ACTN1: variants seen among roughly 807,000 people sequenced by gnomAD.
ACTN1 encodes actinin alpha 1, also known as alpha-actinin-1.
A neutral mutation model predicts 119.6 loss-of-function variants in ACTN1; 30 were observed. The observed-to-expected ratio is 0.25, with a 90% CI of 0.19 to 0.34. ACTN1 has a LOEUF of 0.34. Ranked by LOEUF, ACTN1 falls within the 10% of genes least tolerant of loss-of-function variation. The pLI is 1.00. For missense variants in ACTN1, 764 were observed against 1,223.4 expected (o/e 0.62, Z 5.60); for synonymous variants, 429 against 472.6 (o/e 0.91, Z 1.20).
chr14:68,911,287 A>C (rs978470925), intron 4 of ACTN1, among the ~76,000 whole-genome samples: 1 of 152,220 alleles, frequency 6.6e-6, no homozygotes, highest in Non-Finnish European at 1.5e-5. Context: ...AGTCCACCCA[A>C]AAGAATCAAA....
rs577284353 is a variant in ACTN1 at position 68,876,730 on chromosome 14, C to T, written c.2586+352G>A. On this transcript the variant is annotated intron_variant, in intron 21 of 21. Transcript: ENST00000394419. The stretch of plus-strand genomic sequence containing the variant: ...TCCCATTATAGTCCGTGCCGATGCG[C>T]GGGATGAGACCAAGGGTGAAGTCCC... Among the ~76,000 whole-genome samples the T allele has an allele frequency of 5.5e-4, 84 of 152,284 alleles. No homozygotes were observed. The South Asian group carries it at 0.014, about 25-fold the overall frequency.
intron 1 of ACTN1, among the ~76,000 whole-genome samples, chr14:68,927,111 T>C (rs145698294): frequency 6.6e-6 from 1 of 152,214 alleles, no homozygotes; most frequent in Non-Finnish European, 1.5e-5. Context: ...CGGCGTATTG[T>C]GCTATCCCAG....
At chr14:68,898,912 C>T (rs543032842) in intron 8 of ACTN1, among the ~76,000 whole-genome samples, 3 of 151,668 alleles carry the variant, frequency 2.0e-5, no homozygotes, top group Admixed American at 6.6e-5. Context: ...CCACACACCC[C>T]ACACACCCCT....
chr14:68,946,126 C>T (rs1032897611), intron 1 of ACTN1, among the ~76,000 whole-genome samples: 30 of 152,224 alleles, frequency 2.0e-4, no homozygotes, highest in African/African-American at 6.3e-4. Context: ...CACCGTGCCC[C>T]GGCCACACTC....
At chr14:68,932,400 T>G (rs987617293) in intron 1 of ACTN1, among the ~76,000 whole-genome samples, 1 of 151,294 alleles carries the variant, frequency 6.6e-6, no homozygotes, top group African/African-American at 2.4e-5. Flanking sequence ...TGGCCTACTG[T>G]GGGAGCTCGC....
At chr14:68,953,722 CAAAA>C (rs758286195) in intron 1 of ACTN1, among the ~76,000 whole-genome samples, 1 of 129,580 alleles carries the variant, frequency 7.7e-6, no homozygotes, top group Non-Finnish European at 1.7e-5. Context: ...ACTAAAAATA[CAAAA>C]AAAAAAAAAA....
intron 1 of ACTN1, among the ~76,000 whole-genome samples, chr14:68,956,893 T>C (rs920091615): frequency 6.6e-6 from 1 of 151,782 alleles, no homozygotes; most frequent in Non-Finnish European, 1.5e-5. Flanking sequence ...GCGGGTAGAG[T>C]GTCTAACAAA....
At chr14:68,888,660 CAGG>C (rs1199312057) in intron 11 of ACTN1, among the ~76,000 whole-genome samples, 1 of 152,156 alleles carries the variant, frequency 6.6e-6, no homozygotes, top group East Asian at 1.9e-4. Flanking sequence ...GGCTAAATAG[CAGG>C]AGGTGAGCCA....
chr14:68,875,178 A>C, intron 21 of ACTN1, 161 bp from the exon 22 acceptor site: 1 of 1,510,182 alleles, frequency 6.6e-7, no homozygotes, highest in Non-Finnish European at 8.9e-7. Flanking sequence ...ATATCCACAC[A>C]TGTACATACC....
Position 68,874,822 on chromosome 14 carries a change from C to G in ACTN1, c.*37G>C. On this transcript the variant is annotated 3_prime_UTR_variant, in exon 22 of 22. Transcript: ENST00000394419. ...GCGACGGCGGAGGTGCAAGGCAGGG[C>G]ACGGCGCACAAGACGAGGGCGGCCG... is the stretch of plus-strand genomic sequence containing the variant. The G allele has an allele frequency of 6.6e-7, 1 of 1,526,504 alleles. No homozygotes were observed. Among genetic ancestry groups the G allele is most frequent in the Non-Finnish European group, 8.8e-7 (1 of 1,131,538 alleles). 94.6% of individuals were successfully genotyped at this position (1,526,504 alleles called of 1,614,324 possible). A position where few individuals can be genotyped will look rare whatever the true frequency, so the allele number is the denominator to read the frequency against.
chr14:68,949,888 G>A (rs925113292), intron 1 of ACTN1, among the ~76,000 whole-genome samples: 4 of 152,178 alleles, frequency 2.6e-5, no homozygotes, highest in African/African-American at 9.7e-5. Context: ...CCACTTACAT[G>A]GGGCCCCTAG....
chr14:68,946,574 T>TCCCTCCCAGCC (rs2035953776), intron 1 of ACTN1, among the ~76,000 whole-genome samples: 1 of 152,042 alleles, frequency 6.6e-6, no homozygotes, highest in Non-Finnish European at 1.5e-5. Context: ...TCCCAGCCCC[T>TCCCTCCCAGCC]CCCGCTGGGT....
In ACTN1 at chr14:68,902,646, C is replaced by A. The variant is rs550180004; in HGVS notation, c.677-84G>T. 136 of 1,155,478 alleles carry A rather than the reference C, an allele frequency of 1.2e-4. No homozygotes were observed. The Admixed American group carries it at 2.6e-3, about 22-fold the overall frequency. 71.6% of individuals were successfully genotyped at this position (1,155,478 alleles called of 1,614,324 possible). A position where few individuals can be genotyped will look rare whatever the true frequency, so the allele number is the denominator to read the frequency against. ...ACGTGAGGCAGAAAGAAGCTCGCAGCACCACCAAGTCTTCTTGCCAAAATG... is the reference window on the plus strand; with the variant it reads ...ACGTGAGGCAGAAAGAAGCTCGCAGAACCACCAAGTCTTCTTGCCAAAATG... On this transcript the variant is annotated intron_variant, in intron 7 of 21. Transcript: ENST00000394419.
chr14:68,890,371 C>G, intron 10 of ACTN1, 85 bp from the exon 11 acceptor site: 1 of 1,488,016 alleles, frequency 6.7e-7, no homozygotes, highest in Non-Finnish European at 9.1e-7. Context: ...TGAAGGTGCC[C>G]CATGCCTTCC....
chr14:68,878,937 T>C lies in ACTN1; in HGVS notation c.2361+52A>G. The C allele has an allele frequency of 6.2e-7, 1 of 1,611,512 alleles. No homozygotes were observed. Among genetic ancestry groups the C allele is most frequent in the Non-Finnish European group, 8.5e-7 (1 of 1,179,364 alleles). ...GAAGAGAAAAAGGAAAAACGCATTA[T>C]TTCTTGCCCCAGACGCCACCCCTGA... On this transcript the variant is annotated intron_variant, in intron 19 of 21. Coordinates refer to ENST00000394419, the MANE Select transcript of ACTN1 (RefSeq NM_001130004.2). The surrounding 1 kb of genome is among the most constrained non-coding windows in gnomAD (Gnocchi z 4.4).
intron 8 of ACTN1, among the ~76,000 whole-genome samples, chr14:68,894,261 C>T (rs1264315004): frequency 6.6e-6 from 1 of 152,152 alleles, no homozygotes; most frequent in African/African-American, 2.4e-5. Context: ...TCTCCCAAGG[C>T]TCTTGGCCCA....
In ACTN1 at chr14:68,979,284, C is replaced by T. The variant is rs2037183700; in HGVS notation, c.-228G>A. 5.4e-6 allele frequency: 2 copies of T among 373,142 alleles called. No homozygotes were observed. The highest frequency in any genetic ancestry group is 5.2e-5 in the East Asian group (1 of 19,254). The allele number at this position is 373,142 out of a possible 1,614,324, so 23.1% of individuals were successfully genotyped here. A position where few individuals can be genotyped will look rare whatever the true frequency, so the allele number is the denominator to read the frequency against. On this transcript the variant is annotated 5_prime_UTR_variant, in exon 1 of 22. Coordinates refer to ENST00000394419, the MANE Select transcript of ACTN1 (RefSeq NM_001130004.2). ...GCCTGCCTCTGGGCGGGCGCTTGGA[C>T]CTAATCTCCACGCACACTGAACTAG...
chr14:68,917,927 G>T (rs150892687), intron 3 of ACTN1, among the ~76,000 whole-genome samples: 1 of 152,182 alleles, frequency 6.6e-6, no homozygotes, highest in Non-Finnish European at 1.5e-5. Context: ...TTAGCCAGGC[G>T]TGGTGGCACA....
chr14:68,960,958 C>G (rs769261947), intron 1 of ACTN1, among the ~76,000 whole-genome samples: 68 of 152,242 alleles, frequency 4.5e-4, no homozygotes, highest in Middle Eastern at 3.4e-3. Context: ...GTCCCAGCTA[C>G]TCAGAGGAGG....
Sources: gnomAD v4.1 joint callset for allele counts (sites outside exome capture counted in the v4.1 genomes callset) on GRCh38, gnomAD v4.1.1 for gene constraint, Gnocchi (gnomAD v3.1) non-coding constraint, MANE v1.5 for transcripts, NCBI Gene and HGNC (gene_info 2026-07-23, HGNC 2026-07-21) for gene names.